The following SRPK2 variants were observed in gnomAD, a reference collection of about 807,000 sequenced individuals.
SRPK2 encodes the protein SRSF protein kinase 2.
Under a neutral mutation model 90.8 loss-of-function variants are expected in SRPK2, and 21 were observed. The ratio of observed to expected loss-of-function variants is 0.23; its 90% CI spans 0.16 to 0.33. SRPK2 has a LOEUF of 0.33. Ranked by LOEUF, SRPK2 falls within the 10% of genes least tolerant of loss-of-function variation. The probability of loss-of-function intolerance (pLI) is 1.00; values close to 1 mark genes in which losing one functional copy is unlikely to be tolerated. For missense variants in SRPK2, 620 were observed against 869.0 expected (o/e 0.71, Z 3.60); for synonymous variants, 288 against 311.1 (o/e 0.93, Z 0.78).
At chr7:105,250,081 A>G (rs985158932) in intron 2 of SRPK2, among the ~76,000 whole-genome samples, 3 of 152,210 alleles carry the variant, frequency 2.0e-5, no homozygotes, top group African/African-American at 7.2e-5. Context: ...CTATAATCTC[A>G]GCCCTATGGG....
intron 15 of SRPK2, 39 bp downstream of exon 15, chr7:105,126,209 G>A (rs1801180775): frequency 6.8e-7 from 1 of 1,481,286 alleles, no homozygotes; most frequent in Non-Finnish European, 9.4e-7. Context: ...TTCAGTTTCT[G>A]TCTGCATCGT....
At chr7:105,189,060 C>G (rs1269164426) in intron 3 of SRPK2, 1 of 152,734 alleles carries the variant, frequency 6.5e-6, no homozygotes, top group African/African-American at 2.4e-5. Context: ...AGACTCCAGC[C>G]CTTTCCTCAG....
intron 15 of SRPK2, chr7:105,125,737 G>T (rs1410969023): frequency 2.3e-6 from 2 of 876,658 alleles, no homozygotes; most frequent in Non-Finnish European, 3.2e-6. Flanking sequence ...TTCTCCTTTT[G>T]GGAGAAGACT....
intron 7 of SRPK2, among the ~76,000 whole-genome samples, chr7:105,150,534 A>G (rs1584961455): frequency 6.6e-6 from 1 of 152,238 alleles, no homozygotes; most frequent in East Asian, 1.9e-4. Context: ...AAAGAAAAAA[A>G]GCAAATAAAA....
rs960631773 is a variant in SRPK2 at position 105,265,708 on chromosome 7, T to C, written c.72-61923A>G. On this transcript the variant is annotated intron_variant, in intron 2 of 15. Transcript: ENST00000393651. ...AATGTGTCTAGCACCGACTCTACTA[T>C]ATTCAAGATGAATTCATTCATTCAA... is the stretch of plus-strand genomic sequence containing the variant. Among the ~76,000 whole-genome samples the C allele has an allele frequency of 7.2e-5, 11 of 152,060 alleles. No homozygotes were observed. The East Asian group carries it at 2.1e-3, about 29-fold the overall frequency.
At chr7:105,394,866 T>G (rs985063330) in intron 1 of SRPK2, among the ~76,000 whole-genome samples, 3 of 152,186 alleles carry the variant, frequency 2.0e-5, no homozygotes, top group African/African-American at 7.2e-5. Context: ...GGTGATCATT[T>G]TTATTTAAAA....
At chr7:105,242,346 T>C (rs1445141914) in intron 2 of SRPK2, among the ~76,000 whole-genome samples, 3 of 152,160 alleles carry the variant, frequency 2.0e-5, no homozygotes, top group South Asian at 2.1e-4. Context: ...ACCCCATCTC[T>C]ACTAAAAATT....
At position 105,325,449 on chromosome 7, in the gene SRPK2, C is replaced by CATCCTAATGAGGAACTA. The variant is rs1217555087; in HGVS notation, c.71+63182_71+63198dup. ...GAAATGTCAAGACAAGTTCACGTGC[C>CATCCTAATGAGGAACTA]ATCCTAATGAGGAACTAAGACTAGA... On this transcript the variant is annotated intron_variant, in intron 2 of 15. Transcript: ENST00000393651. Among the ~76,000 whole-genome samples the CATCCTAATGAGGAACTA allele has an allele frequency of 3.9e-4, 49 of 126,584 alleles. 1 individual carries two copies. The highest frequency in any genetic ancestry group is 1.8e-3 in the South Asian group (7 of 3,920). 83.0% of individuals were successfully genotyped at this position (126,584 alleles called of 152,430 possible).
intron 2 of SRPK2, among the ~76,000 whole-genome samples, chr7:105,388,063 C>G (rs1011126108): frequency 1.3e-5 from 2 of 152,162 alleles, no homozygotes; most frequent in African/African-American, 2.4e-5. Flanking sequence ...GCACAGGTCT[C>G]GGGGCTGAAC....
chr7:105,323,168 C>T (rs1229342952), intron 2 of SRPK2, among the ~76,000 whole-genome samples: 3 of 151,510 alleles, frequency 2.0e-5, no homozygotes, highest in African/African-American at 4.9e-5. Context: ...CCAGCCTGGG[C>T]GACAGAGTGA....
At chr7:105,329,864 T>A (rs572024923) in intron 2 of SRPK2, among the ~76,000 whole-genome samples, 12 of 151,332 alleles carry the variant, frequency 7.9e-5, no homozygotes, top group African/African-American at 2.9e-4. Context: ...ACCCCGTCTC[T>A]ACTAAAAAAA....
chr7:105,305,221 C>A (rs1343295709), intron 2 of SRPK2, among the ~76,000 whole-genome samples: 1 of 152,080 alleles, frequency 6.6e-6, no homozygotes, highest in Non-Finnish European at 1.5e-5. Context: ...AGGCAGATCA[C>A]CTGAAGTCAA....
intron 2 of SRPK2, among the ~76,000 whole-genome samples, chr7:105,278,703 GAAAGGAA>G (rs1012570929): frequency 3.4e-5 from 5 of 145,210 alleles, no homozygotes; most frequent in Non-Finnish European, 6.0e-5. Context: ...AGAAAAAGAA[GAAAGGAA>G]AGAGGAAAGG....
intron 15 of SRPK2, among the ~76,000 whole-genome samples, chr7:105,120,333 C>T (rs540111083): frequency 6.6e-6 from 1 of 152,252 alleles, no homozygotes; most frequent in Non-Finnish European, 1.5e-5. Context: ...AACTAAGATC[C>T]ATCAACAAGG....
chr7:105,139,846 C>A (rs1169444374), intron 11 of SRPK2, among the ~76,000 whole-genome samples: 5 of 151,738 alleles, frequency 3.3e-5, no homozygotes, highest in Non-Finnish European at 7.4e-5. Flanking sequence ...GGGTAAGAAA[C>A]CAAAGTTCCA....
chr7:105,356,815 C>T (rs1585863494), intron 2 of SRPK2, among the ~76,000 whole-genome samples: 1 of 152,064 alleles, frequency 6.6e-6, no homozygotes, highest in Admixed American at 6.6e-5. Context: ...TCTTCTTTAA[C>T]AGAGATTTCT....
At chr7:105,361,553 C>A (rs1021404632) in intron 2 of SRPK2, among the ~76,000 whole-genome samples, 3 of 152,174 alleles carry the variant, frequency 2.0e-5, no homozygotes, top group Non-Finnish European at 4.4e-5. Flanking sequence ...CTGGAGGCAT[C>A]ATGCTACCTG....
In SRPK2 at chr7:105,260,980, T is replaced by C. The variant is rs956634683; in HGVS notation, c.72-57195A>G. On this transcript the variant is annotated intron_variant, in intron 2 of 15. Transcript: ENST00000393651. ...GAAACCAATATGGCACATGTATACC[T>C]ATGTAACAAACCTGCACATTGTGCA... Among the ~76,000 whole-genome samples, 4 of 144,248 alleles carry C rather than the reference T, an allele frequency of 2.8e-5. No homozygotes were observed. The East Asian group carries it at 8.2e-4, about 30-fold the overall frequency. The allele number at this position is 144,248 out of a possible 152,430, so 94.6% of individuals were successfully genotyped here.
At chr7:105,244,866 T>A in intron 2 of SRPK2, 1 of 1,247,708 alleles carries the variant, frequency 8.0e-7, no homozygotes, top group South Asian at 1.2e-5. Context: ...GGTCCTCAAG[T>A]TCATCAAGAA....
Sources: gnomAD v4.1 joint callset for allele counts (sites outside exome capture counted in the v4.1 genomes callset) on GRCh38, gnomAD v4.1.1 for gene constraint, MANE v1.5 for transcripts, NCBI Gene and HGNC (gene_info 2026-07-23, HGNC 2026-07-21) for gene names.